The following GTPBP4 variants were observed in gnomAD, a reference collection of about 807,000 sequenced individuals.
The protein encoded by GTPBP4 is GTP-binding protein 4.
In GTPBP4, 15 loss-of-function variants were observed where a neutral mutation model predicts 81.7. That is an observed-to-expected ratio of 0.18 (90% CI 0.12 to 0.28). The LOEUF is 0.28. Among genes scored for constraint, GTPBP4 ranks in the 10% least tolerant of loss-of-function variants. The pLI is 1.00. For synonymous variants in GTPBP4, 272 were observed against 274.6 expected (o/e 0.99, Z 0.09); for missense variants, 847 against 793.8 (o/e 1.07, Z -0.81).
At chr10:993,327 G>A (rs905585120) in intron 2 of GTPBP4, among the ~76,000 whole-genome samples, 1 of 152,022 alleles carries the variant, frequency 6.6e-6, no homozygotes, top group Non-Finnish European at 1.5e-5. Context: ...ATCTCAGCCC[G>A]CTGAAATCTC....
chr10:1,010,922 C>CCTGTATCTCCGCCAGG (rs1564470685), intron 13 of GTPBP4, among the ~76,000 whole-genome samples: 1 of 150,884 alleles, frequency 6.6e-6, no homozygotes, highest in Non-Finnish European at 1.5e-5. Context: ...CCTTCCCCAC[C>CCTGTATCTCCGCCAGG]CCGAGACTCT....
At chr10:1,012,394 C>T (rs948062989) in intron 13 of GTPBP4, 71 bp from the exon 14 acceptor site, 4 of 1,061,136 alleles carry the variant, frequency 3.8e-6, no homozygotes, top group Non-Finnish European at 5.6e-6. Context: ...CCCATACACA[C>T]TCTGCCACAC....
intron 4 of GTPBP4, chr10:996,813 G>A (rs1831544975): frequency 5.5e-6 from 1 of 182,560 alleles, no homozygotes. Flanking sequence ...TACAGACGAG[G>A]TGGCAGAGTG....
intron 1 of GTPBP4, among the ~76,000 whole-genome samples, chr10:991,844 C>T (rs1250438862): frequency 6.0e-5 from 9 of 149,160 alleles, no homozygotes; most frequent in South Asian, 2.1e-4. Context: ...TACAGGTGCC[C>T]GCTACCACGC....
At chr10:1,007,209 A>G (rs1446642913) in intron 10 of GTPBP4, 81 bp downstream of exon 10, 3 of 761,584 alleles carry the variant, frequency 3.9e-6, no homozygotes, top group Non-Finnish European at 7.0e-6. Context: ...GAAGCCTCCC[A>G]TCCAGCTTCA....
rs1043069482 is a variant in GTPBP4 at position 992,562 on chromosome 10, A to G, written c.122A>G (p.His41Arg). The change falls in exon 2 of 17, where the codon CAT becomes CGT. Residue 41 changes from histidine (H) to arginine (R), a missense_variant. By Grantham distance (29) the His-to-Arg change is conservative. This residue lies in a region of GTPBP4 where 241 missense variants were observed against 216.3 expected (regional missense o/e 1.11). Coordinates refer to ENST00000360803, the MANE Select transcript of GTPBP4 (RefSeq NM_012341.3). The stretch of plus-strand genomic sequence containing the variant: ...GTTATTCATAAACATTACCAAATAC[A>G]TCGCATTAGACATTTTTACATGAGA... Reference protein sequence around the residue: ...PTVIHKHYQIHRIRHFYMRKV... With the variant: ...PTVIHKHYQIRRIRHFYMRKV... 5.0e-6 allele frequency: 8 copies of G among 1,597,140 alleles called. No individual in the cohort carries two copies. The highest frequency in any genetic ancestry group is 4.5e-5 in the East Asian group (2 of 44,812).
At chr10:991,689 C>CTTT (rs778451253) in intron 1 of GTPBP4, among the ~76,000 whole-genome samples, 40 of 74,804 alleles carry the variant, frequency 5.3e-4, no homozygotes, top group Non-Finnish European at 7.3e-4. Context: ...TAAAATTTAT[C>CTTT]TTTTTTTTTT....
chr10:1,012,474 G>T lies in GTPBP4; in HGVS notation c.1354G>T (p.Glu452Ter). The stretch of plus-strand genomic sequence containing the variant: ...AACTCCATTTTTAAAGAAATTGGAA[G>T]AATTAGAAAAAGAAGAAGAGCTGAG... ...IDPAIMKKLE[E>*]LEKEEELRTA... Residue 452 changes from glutamate to a stop codon, truncating the protein, a stop_gained, in exon 14 of 17, where the codon GAA becomes TAA. Transcript: ENST00000360803. LOFTEE classifies it high-confidence loss of function. 1 of 1,595,824 alleles carries T rather than the reference G, an allele frequency of 6.3e-7. No homozygotes were observed. Among genetic ancestry groups the T allele is most frequent in the South Asian group, 1.1e-5 (1 of 87,012 alleles).
Position 989,889 on chromosome 10 carries a change from A to T in GTPBP4, c.48+1362A>T, listed in dbSNP as rs141890330. On this transcript the variant is annotated intron_variant, in intron 1 of 16. Coordinates refer to ENST00000360803, the MANE Select transcript of GTPBP4 (RefSeq NM_012341.3). ...GTAGCTGGGACTACAGGCATGCGCC[A>T]CCAGGCCTGGCTAATTTTTGTATTT... Among the ~76,000 whole-genome samples, 1,017 of 152,186 alleles carry T rather than the reference A, an allele frequency of 6.7e-3. 14 individuals carry two copies. The highest frequency in any genetic ancestry group is 0.023 in the African/African-American group (953 of 41,516).
In GTPBP4 at chr10:995,987, A is replaced by C; in HGVS notation, c.278A>C (p.Lys93Thr). Residue 93 changes from lysine (K) to threonine (T), a missense_variant, in exon 3 of 17, where the codon AAG becomes ACG. By Grantham distance (78) the Lys-to-Thr change is moderately conservative. Around this residue, in one of 3 missense-constraint regions of GTPBP4, gnomAD observed 241 missense variants for 216.3 expected, o/e 1.11. Coordinates refer to ENST00000360803, the MANE Select transcript of GTPBP4 (RefSeq NM_012341.3). The part of the protein sequence containing the change: ...MNILYDKDHY[K>T]LALGQINIAK... ...ATTCTCTACGACAAGGATCATTACA[A>C]GTTGGCTCTGGGGCAAATAAATATT... The C allele has an allele frequency of 6.2e-7, 1 of 1,612,312 alleles. No individual in the cohort carries two copies. The highest frequency in any genetic ancestry group is 8.5e-7 in the Non-Finnish European group (1 of 1,178,302).
intron 9 of GTPBP4, among the ~76,000 whole-genome samples, 197 bp from the exon 10 acceptor site, chr10:1,006,819 GGA>G (rs1831746314): frequency 6.6e-6 from 1 of 152,120 alleles, no homozygotes; most frequent in Non-Finnish European, 1.5e-5. Flanking sequence ...CACTGTGGTG[GGA>G]GAGAGGCCCA....
At position 1,007,064 on chromosome 10, in the gene GTPBP4, G is replaced by A. The variant is rs150951294; in HGVS notation, c.1049G>A (p.Gly350Glu). Residue 350 changes from glycine (G) to glutamate (E), a missense_variant, in exon 10 of 17, where the codon GGA (glycine) becomes GAA (glutamate). Physicochemically the swap from Gly to Glu is moderately conservative, Grantham distance 98. Around this residue, in one of 3 missense-constraint regions of GTPBP4, gnomAD observed 600 missense variants for 557.1 expected, o/e 1.08. Coordinates refer to ENST00000360803, the MANE Select transcript of GTPBP4 (RefSeq NM_012341.3). ...CATCGAGTGGAAACCAAAATGAAGG[G>A]AAATAAAGTGAATGAGGTGCTGAAT... ...LAHRVETKMK[G>E]NKVNEVLNRL... is the part of the protein sequence containing the mutation. The A allele has an allele frequency of 1.2e-5, 20 of 1,613,288 alleles. No homozygotes were observed. The highest frequency in any genetic ancestry group is 1.6e-5 in the Non-Finnish European group (19 of 1,179,346).
intron 1 of GTPBP4, 115 bp downstream of exon 1, chr10:988,642 C>A: frequency 1.3e-6 from 1 of 766,040 alleles, no homozygotes; most frequent in South Asian, 1.5e-5. Context: ...GCCCATCCCC[C>A]GCTCCTGGGC....
At chr10:995,490 T>C (rs1194803658) in intron 2 of GTPBP4, among the ~76,000 whole-genome samples, 1 of 79,936 alleles carries the variant, frequency 1.3e-5, no homozygotes, top group Non-Finnish European at 2.4e-5. Flanking sequence ...AGAGACACAG[T>C]GTGTCTTGGG....
At chr10:999,911 A>T (rs375885133) in intron 6 of GTPBP4, among the ~76,000 whole-genome samples, 16 of 152,236 alleles carry the variant, frequency 1.1e-4, no homozygotes, top group African/African-American at 3.6e-4. Flanking sequence ...GTGAGCCGAG[A>T]TTGTGCCATT....
intron 15 of GTPBP4, among the ~76,000 whole-genome samples, chr10:1,015,498 G>C (rs11250219): frequency 0.027 from 512 of 18,880 alleles, 11 homozygotes; most frequent in African/African-American, 0.032. Context: ...TGGGAGTGGG[G>C]CTGGGGTCCT....
chr10:992,981 A>C (rs1831472396), intron 2 of GTPBP4, among the ~76,000 whole-genome samples: 1 of 152,162 alleles, frequency 6.6e-6, no homozygotes, highest in Admixed American at 6.6e-5. Flanking sequence ...TGGGTTATGA[A>C]CACAGAAGCT....
At chr10:997,340 TCTGA>T (rs1554815925) in intron 5 of GTPBP4, 32 bp downstream of exon 5, 4 of 1,152,456 alleles carry the variant, frequency 3.5e-6, no homozygotes, top group Non-Finnish European at 5.3e-6. Flanking sequence ...AAGCAAATCA[TCTGA>T]CTATTTTACG....
chr10:994,532 A>G (rs1198391743), intron 2 of GTPBP4, among the ~76,000 whole-genome samples: 2 of 152,140 alleles, frequency 1.3e-5, no homozygotes, highest in Non-Finnish European at 2.9e-5. Flanking sequence ...TGGCCTCCCA[A>G]AGTGCTGGGA....
Sources: gnomAD v4.1 joint callset for allele counts (sites outside exome capture counted in the v4.1 genomes callset) on GRCh38, gnomAD v4.1.1 for gene constraint, gnomAD v4.1.1 regional missense constraint, MANE v1.5 for transcripts, NCBI Gene and HGNC (gene_info 2026-07-23, HGNC 2026-07-21) for gene names.